The following SPMIP2 variants were observed in gnomAD, a reference collection of about 807,000 sequenced individuals.
SPMIP2 encodes protein SPMIP2.
chr4:159,052,952 A>ATTTTTTT, the SPMIP2 span, among the ~76,000 whole-genome samples: 5 of 102,912 alleles, frequency 4.9e-5, no homozygotes, highest in East Asian at 5.5e-4. Context: ...TATTATTATT[A>ATTTTTTT]TTATTTTTTT....
chr4:158,928,029 G>A, the SPMIP2 span, among the ~76,000 whole-genome samples: 32 of 152,290 alleles, frequency 2.1e-4, no homozygotes, highest in East Asian at 3.9e-4. Flanking sequence ...CTCAATGAGC[G>A]CCGCCCCCTG....
the SPMIP2 span, among the ~76,000 whole-genome samples, chr4:158,981,487 A>G: frequency 3.5e-4 from 53 of 152,340 alleles, no homozygotes; most frequent in African/African-American, 1.2e-3. Context: ...AGGGATGCCC[A>G]TCAGACTCAC....
the SPMIP2 span, among the ~76,000 whole-genome samples, chr4:159,033,742 G>T: frequency 6.6e-6 from 1 of 152,160 alleles, no homozygotes; most frequent in African/African-American, 2.4e-5. Context: ...CACAAGAAGG[G>T]GAGTGGATGA....
chr4:158,985,747 C>A, the SPMIP2 span, among the ~76,000 whole-genome samples: 11 of 152,214 alleles, frequency 7.2e-5, no homozygotes, highest in African/African-American at 2.6e-4. Context: ...CCTCTCTCAC[C>A]ACTCCTATTC....
the SPMIP2 span, among the ~76,000 whole-genome samples, chr4:158,943,348 T>C: frequency 6.6e-6 from 1 of 152,176 alleles, no homozygotes; most frequent in Non-Finnish European, 1.5e-5. Context: ...CATGGTGGCT[T>C]AACTCTTTTA....
chr4:159,034,075 T>G, the SPMIP2 span, among the ~76,000 whole-genome samples: 4 of 152,078 alleles, frequency 2.6e-5, no homozygotes, highest in African/African-American at 9.7e-5. Context: ...AGGTGGAGGG[T>G]GCAGAGAGCC....
At chr4:158,994,956 C>T in the SPMIP2 span, among the ~76,000 whole-genome samples, 100,949 of 152,184 alleles carry the variant, frequency 0.66, 33,611 homozygotes, top group Middle Eastern at 0.73. Context: ...ATGCAATGGG[C>T]CTAACCACTG....
the SPMIP2 span, among the ~76,000 whole-genome samples, chr4:158,990,137 C>T: frequency 6.6e-6 from 1 of 152,200 alleles, no homozygotes; most frequent in Non-Finnish European, 1.5e-5. Flanking sequence ...AGCTCATCAT[C>T]ACTGGTCATT....
At chr4:159,009,718 C>G in the SPMIP2 span, among the ~76,000 whole-genome samples, 3 of 152,108 alleles carry the variant, frequency 2.0e-5, no homozygotes, top group Admixed American at 6.5e-5. Context: ...TGCCTGTAAT[C>G]CTAGCACTTA....
chr4:158,902,903 G>A, the SPMIP2 span, among the ~76,000 whole-genome samples: 2 of 152,202 alleles, frequency 1.3e-5, no homozygotes, highest in African/African-American at 2.4e-5. Context: ...TCAAGCCAGT[G>A]GATCTTAGCT....
At chr4:159,079,655 G>C in the SPMIP2 span, among the ~76,000 whole-genome samples, 1 of 152,108 alleles carries the variant, frequency 6.6e-6, no homozygotes, top group Non-Finnish European at 1.5e-5. Context: ...TATATTTAAA[G>C]CACAAAAATT....
chr4:158,899,771 A>G, the SPMIP2 span, among the ~76,000 whole-genome samples: 1 of 151,858 alleles, frequency 6.6e-6, no homozygotes, highest in Non-Finnish European at 1.5e-5. Flanking sequence ...CTAGTGGTCT[A>G]TTTTGTTGAT....
the SPMIP2 span, among the ~76,000 whole-genome samples, chr4:158,982,401 C>A: frequency 6.6e-6 from 1 of 152,154 alleles, no homozygotes; most frequent in East Asian, 1.9e-4. Context: ...AACTCTCCAC[C>A]CCAAATCAAT....
chr4:158,915,090 T>C, the SPMIP2 span: 3 of 1,247,832 alleles, frequency 2.4e-6, no homozygotes, highest in African/African-American at 1.5e-5. Flanking sequence ...TTAGTATTAC[T>C]ATGAGAAACC....
At chr4:158,903,196 T>C in the SPMIP2 span, among the ~76,000 whole-genome samples, 1 of 152,122 alleles carries the variant, frequency 6.6e-6, no homozygotes, top group Admixed American at 6.5e-5. Context: ...AGTGCAGATA[T>C]TGAGTTCCTC....
the SPMIP2 span, among the ~76,000 whole-genome samples, chr4:159,040,465 C>A: frequency 2.0e-5 from 3 of 150,306 alleles, no homozygotes; most frequent in Non-Finnish European, 4.4e-5. Flanking sequence ...GCCACTGCGC[C>A]CGGTCTGTAT....
At chr4:159,065,765 T>A in the SPMIP2 span, among the ~76,000 whole-genome samples, 1 of 152,226 alleles carries the variant, frequency 6.6e-6, no homozygotes, top group East Asian at 1.9e-4. Flanking sequence ...TAGAGAGAAG[T>A]CATCTGGAGA....
At chr4:159,005,971 G>A in the SPMIP2 span, among the ~76,000 whole-genome samples, 1 of 152,138 alleles carries the variant, frequency 6.6e-6, no homozygotes, top group South Asian at 2.1e-4. Context: ...CGCCATGTTG[G>A]CCAGGCTGGT....
the SPMIP2 span, among the ~76,000 whole-genome samples, chr4:159,048,133 C>T: frequency 6.6e-6 from 1 of 152,158 alleles, no homozygotes; most frequent in Admixed American, 6.5e-5. Flanking sequence ...CCTGAACTCG[C>T]TTAAGTAATC....
Sources: allele counts gnomAD v4.1 joint callset (sites outside exome capture counted in the v4.1 genomes callset), GRCh38; gene constraint gnomAD v4.1.1; transcripts MANE v1.5; gene names NCBI Gene and HGNC (gene_info 2026-07-23, HGNC 2026-07-21).